The following FANCB variants were observed in gnomAD, a reference collection of about 807,000 sequenced individuals.
The protein encoded by FANCB is Fanconi anemia group B protein.
Under a neutral mutation model 38.9 loss-of-function variants are expected in FANCB, and 5 were observed. The observed-to-expected ratio is 0.13, with a 90% CI of 0.07 to 0.27. FANCB has a LOEUF of 0.27. Among genes scored for constraint, FANCB ranks in the 10% least tolerant of loss-of-function variants. The pLI, the probability that FANCB is intolerant of heterozygous loss-of-function variation, is 1.00. For synonymous variants in FANCB, 236 were observed against 215.4 expected (o/e 1.10, Z -0.84); for missense variants, 573 against 602.7 (o/e 0.95, Z 0.52).
the FANCB span, among the ~76,000 whole-genome samples, chrX:14,743,494 G>GA: frequency 3.6e-5 from 4 of 109,962 alleles, no homozygotes; most frequent in Non-Finnish European, 7.6e-5. Context: ...TATTATGATG[G>GA]AAAAAATGCT....
chrX:14,789,508 A>C, the FANCB span, among the ~76,000 whole-genome samples: 1 of 112,083 alleles, frequency 8.9e-6, no homozygotes, highest in Admixed American at 9.5e-5. Context: ...GACACTTAAT[A>C]ATATAAGAAT....
chrX:14,717,586 A>G, the FANCB span, among the ~76,000 whole-genome samples: 1 of 110,989 alleles, frequency 9.0e-6, no homozygotes, highest in Non-Finnish European at 1.9e-5. Context: ...TCTTAAGTTT[A>G]TTTTGTCATA....
At chrX:14,842,687 C>T (rs1425548106), downstream of FANCB, among the ~76,000 whole-genome samples, 1 of 111,844 alleles carries the variant, frequency 8.9e-6, no homozygotes, top group Non-Finnish European at 1.9e-5. Flanking sequence ...CTAAGGAGTG[C>T]CATATTCTTT....
chrX:14,813,244 G>A, the FANCB span, among the ~76,000 whole-genome samples: 1 of 106,451 alleles, frequency 9.4e-6, no homozygotes, highest in East Asian at 2.9e-4. Context: ...CATTCCCTTT[G>A]AAAACTGGCA....
chrX:14,775,507 G>A, the FANCB span, among the ~76,000 whole-genome samples: 12 of 111,507 alleles, frequency 1.1e-4, no homozygotes, highest in Non-Finnish European at 1.7e-4. Flanking sequence ...GGTGCAAGCT[G>A]TAGCCAAATC....
chrX:14,758,257 C>T, the FANCB span, among the ~76,000 whole-genome samples: 2 of 111,348 alleles, frequency 1.8e-5, no homozygotes, highest in African/African-American at 6.5e-5. Context: ...CCTAACCTTT[C>T]CCCCTCTTAA....
chrX:14,819,457 G>A, the FANCB span, among the ~76,000 whole-genome samples: 4 of 111,541 alleles, frequency 3.6e-5, no homozygotes, highest in South Asian at 3.8e-4. Context: ...AAGGAGAAAC[G>A]CAGGGGAGCC....
chrX:14,827,576 C>T, the FANCB span, among the ~76,000 whole-genome samples: 4 of 111,394 alleles, frequency 3.6e-5, no homozygotes, highest in African/African-American at 1.3e-4. Context: ...CCTAAAAGTA[C>T]CAAAGAAGCC....
intron 1 of FANCB, among the ~76,000 whole-genome samples, chrX:14,871,999 T>C (rs2092500396): frequency 9.0e-6 from 1 of 110,912 alleles, no homozygotes; most frequent in African/African-American, 3.3e-5. Flanking sequence ...AGATAAGAAG[T>C]GACAGAGCCA....
At chrX:14,793,243 A>T in the FANCB span, among the ~76,000 whole-genome samples, 1 of 112,562 alleles carries the variant, frequency 8.9e-6, no homozygotes, top group Admixed American at 9.4e-5. Context: ...TGAAGTATTG[A>T]CACATGCTAT....
the FANCB span, among the ~76,000 whole-genome samples, chrX:14,775,165 T>TTTG: frequency 6.5e-3 from 455 of 69,528 alleles, 7 homozygotes; most frequent in Non-Finnish European, 7.1e-3. Flanking sequence ...CTAATGTTTT[T>TTTG]TTTTTTTTTT....
the FANCB span, chrX:14,730,377 G>A: frequency 3.3e-6 from 4 of 1,206,243 alleles, no homozygotes; most frequent in African/African-American, 7.1e-5. Context: ...GGGCAAAAAG[G>A]ATTGACACGA....
the FANCB span, among the ~76,000 whole-genome samples, chrX:14,820,419 T>G: frequency 1.5e-4 from 17 of 112,272 alleles, no homozygotes; most frequent in Non-Finnish European, 2.8e-4. Context: ...ACTACTGAAC[T>G]TTATTGTATT....
the FANCB span, chrX:14,731,099 G>A: frequency 8.9e-6 from 1 of 112,022 alleles, no homozygotes; most frequent in Non-Finnish European, 1.9e-5. Context: ...TTTCACTTGA[G>A]AAAGCCTTTT....
downstream of FANCB, among the ~76,000 whole-genome samples, chrX:14,840,119 A>G (rs1214839575): frequency 9.0e-6 from 1 of 111,691 alleles, no homozygotes; most frequent in African/African-American, 3.3e-5. Flanking sequence ...CCTCCCCCAG[A>G]GTGCTGGGAT....
the FANCB span, among the ~76,000 whole-genome samples, chrX:14,826,705 A>G: frequency 8.9e-6 from 1 of 111,958 alleles, no homozygotes; most frequent in Non-Finnish European, 1.9e-5. Flanking sequence ...CTGAGACAGG[A>G]GTCACAAATA....
chrX:14,742,918 G>A, the FANCB span, among the ~76,000 whole-genome samples: 627 of 112,973 alleles, frequency 5.6e-3, 2 homozygotes, highest in Non-Finnish European at 9.8e-3. Flanking sequence ...TTGATGTAGC[G>A]CCAGTATAGT....
the FANCB span, among the ~76,000 whole-genome samples, chrX:14,706,580 C>T: frequency 1.8e-5 from 2 of 111,733 alleles, no homozygotes; most frequent in Non-Finnish European, 3.8e-5. Flanking sequence ...TTTTGTTTCT[C>T]TCAAGAAGAG....
At chrX:14,869,498 T>C (rs2092485490) in intron 1 of FANCB, among the ~76,000 whole-genome samples, 2 of 112,065 alleles carry the variant, frequency 1.8e-5, no homozygotes, top group Non-Finnish European at 3.8e-5. Context: ...CTACTATAGT[T>C]CAGGCTGTGA....
Sources: gnomAD v4.1 joint callset for allele counts (sites outside exome capture counted in the v4.1 genomes callset) on GRCh38, gnomAD v4.1.1 for gene constraint, MANE v1.5 for transcripts, NCBI Gene and HGNC (gene_info 2026-07-23, HGNC 2026-07-21) for gene names.